MEI4: variants seen among roughly 807,000 people sequenced by gnomAD.
MEI4 encodes the protein meiotic double-stranded break formation protein 4, also known as meiosis-specific protein MEI4.
In MEI4, 27 loss-of-function variants were observed where a neutral mutation model predicts 31.4. That is an observed-to-expected ratio of 0.86 (90% CI 0.63 to 1.19). The LOEUF (loss-of-function observed/expected upper bound fraction) is 1.19, where lower values mean the gene tolerates loss of function less well. MEI4 is among the 50% of genes most tolerant of loss of function. The probability of loss-of-function intolerance (pLI) is 0.00; values close to 1 mark genes in which losing one functional copy is unlikely to be tolerated. For synonymous variants in MEI4, 122 were observed against 145.4 expected (o/e 0.84, Z 1.16); for missense variants, 329 against 398.9 (o/e 0.82, Z 1.49).
At chr6:77,834,310 TTTA>T (rs144125131) in intron 4 of MEI4, among the ~76,000 whole-genome samples, 2,848 of 150,810 alleles carry the variant, frequency 0.019, 63 homozygotes, top group East Asian at 0.088. Flanking sequence ...ATTTTCAAAA[TTTA>T]TAATAAATCA....
At chr6:77,695,871 C>T (rs145183160) in intron 2 of MEI4, among the ~76,000 whole-genome samples, 8,666 of 152,134 alleles carry the variant, frequency 0.057, 681 homozygotes, top group African/African-American at 0.17. Context: ...GCCATTTTCA[C>T]GATATAGATT....
intron 1 of MEI4, among the ~76,000 whole-genome samples, chr6:77,660,910 T>G (rs1768492717): frequency 6.6e-6 from 1 of 152,032 alleles, no homozygotes; most frequent in African/African-American, 2.4e-5. Flanking sequence ...CAAGAACTGA[T>G]TGTCCAGCTA....
intron 3 of MEI4, among the ~76,000 whole-genome samples, chr6:77,786,228 A>G (rs1000408408): frequency 2.6e-5 from 4 of 152,088 alleles, no homozygotes; most frequent in Non-Finnish European, 2.9e-5. Flanking sequence ...ACATATATAT[A>G]TATCAAATTT....
intron 4 of MEI4, among the ~76,000 whole-genome samples, chr6:77,875,154 G>A (rs1387003760): frequency 6.6e-6 from 1 of 152,134 alleles, no homozygotes. Context: ...GTCCCATCAT[G>A]GATATGTCTC....
chr6:77,754,127 G>A (rs1158083527), intron 2 of MEI4, among the ~76,000 whole-genome samples: 1 of 152,008 alleles, frequency 6.6e-6, no homozygotes, highest in Non-Finnish European at 1.5e-5. Context: ...GGGGAGGGAT[G>A]GCATTAGGAG....
chr6:77,693,261 G>T (rs1769192002), intron 2 of MEI4, among the ~76,000 whole-genome samples: 1 of 151,922 alleles, frequency 6.6e-6, no homozygotes, highest in Non-Finnish European at 1.5e-5. Flanking sequence ...GGCAAACATA[G>T]TCAATTTTTC....
chr6:77,864,910 A>T (rs1226143559), intron 4 of MEI4, among the ~76,000 whole-genome samples: 1 of 152,202 alleles, frequency 6.6e-6, no homozygotes, highest in East Asian at 1.9e-4. Context: ...TCAAACTAGG[A>T]CTCAGGATTA....
intron 4 of MEI4, among the ~76,000 whole-genome samples, chr6:77,910,064 A>C (rs1347070822): frequency 6.6e-6 from 1 of 152,208 alleles, no homozygotes; most frequent in Admixed American, 6.5e-5. Flanking sequence ...ATCTCAAAAT[A>C]ATAAGTGCTG....
At chr6:77,658,397 C>T (rs1268166109) in intron 1 of MEI4, among the ~76,000 whole-genome samples, 2 of 152,042 alleles carry the variant, frequency 1.3e-5, no homozygotes, top group Non-Finnish European at 1.5e-5. Context: ...TACTTTAGGC[C>T]ATCTGGATGT....
At chr6:77,662,140 T>A (rs1768524655) in intron 1 of MEI4, among the ~76,000 whole-genome samples, 1 of 152,154 alleles carries the variant, frequency 6.6e-6, no homozygotes, top group Admixed American at 6.5e-5. Flanking sequence ...TGACGCGTAG[T>A]CCTTTTGCAA....
intron 1 of MEI4, among the ~76,000 whole-genome samples, chr6:77,668,847 G>A (rs951492196): frequency 1.3e-5 from 2 of 152,040 alleles, no homozygotes; most frequent in African/African-American, 2.4e-5. Context: ...AGCATCCCAC[G>A]GCAGAAGTAA....
chr6:77,851,382 C>A lies in MEI4; in HGVS notation c.900+22320C>A, dbSNP rs1206443951. Among the ~76,000 whole-genome samples the A allele has an allele frequency of 1.2e-4, 18 of 152,090 alleles. No homozygotes were observed. In the East Asian group the frequency reaches 3.5e-3, roughly 30 times the overall value. On this transcript the variant is annotated intron_variant, in intron 4 of 4. Coordinates refer to ENST00000684080, the MANE Select transcript of MEI4 (RefSeq NM_001322247.2). ...TCACAATAGCAAAGTCTTGGAACCA[C>A]CCCAAATGTCCATCAATGATAGACT...
At chr6:77,834,331 G>C (rs999917632) in intron 4 of MEI4, among the ~76,000 whole-genome samples, 3 of 147,662 alleles carry the variant, frequency 2.0e-5, no homozygotes, top group Non-Finnish European at 3.0e-5. Context: ...TCAAAAATTA[G>C]TATAATTTTC....
intron 2 of MEI4, among the ~76,000 whole-genome samples, chr6:77,709,006 C>T (rs370742789): frequency 1.3e-5 from 2 of 152,222 alleles, no homozygotes; most frequent in African/African-American, 2.4e-5. Flanking sequence ...TAATATTGAC[C>T]GTGACCCTTA....
intron 3 of MEI4, among the ~76,000 whole-genome samples, chr6:77,801,384 C>A (rs1272044463): frequency 3.9e-5 from 6 of 152,090 alleles, no homozygotes; most frequent in African/African-American, 1.4e-4. Context: ...CTGTTTTCTT[C>A]TTTTTTAGTC....
At chr6:77,863,703 A>C (rs2127722141) in intron 4 of MEI4, among the ~76,000 whole-genome samples, 1 of 152,352 alleles carries the variant, frequency 6.6e-6, no homozygotes, top group East Asian at 1.9e-4. Context: ...AGGCAGGCCA[A>C]CATTCAAATT....
rs1770527496 is a variant in MEI4, at chr6:77,847,968, C to T, written c.900+18906C>T. Among the ~76,000 whole-genome samples the T allele has an allele frequency of 1.3e-5, 2 of 152,160 alleles. No individual in the cohort carries two copies. Among genetic ancestry groups the T allele is most frequent in the South Asian group, 4.1e-4 (2 of 4,826 alleles). ...AAGGAAAGAACGTCGGAATATTTATCTCCTCTTCACTTTATGTATCTTTAT... is the reference window on the plus strand; with the variant it reads ...AAGGAAAGAACGTCGGAATATTTATTTCCTCTTCACTTTATGTATCTTTAT... On this transcript the variant is annotated intron_variant, in intron 4 of 4. Transcript: ENST00000684080. The surrounding 1 kb of genome is among the most constrained non-coding windows in gnomAD (Gnocchi z 4.6).
At chr6:77,730,229 T>G (rs779211666) in intron 2 of MEI4, among the ~76,000 whole-genome samples, 4 of 152,140 alleles carry the variant, frequency 2.6e-5, no homozygotes, top group Non-Finnish European at 4.4e-5. Context: ...GTAATTTTAT[T>G]GTTTTTACCA....
At chr6:77,686,310 C>G (rs1769053236) in intron 1 of MEI4, among the ~76,000 whole-genome samples, 1 of 152,110 alleles carries the variant, frequency 6.6e-6, no homozygotes, top group African/African-American at 2.4e-5. Flanking sequence ...ATCATTCAGA[C>G]TTCCTCAACT....
Sources: gnomAD v4.1 joint callset for allele counts (sites outside exome capture counted in the v4.1 genomes callset) on GRCh38, gnomAD v4.1.1 for gene constraint, Gnocchi (gnomAD v3.1) non-coding constraint, MANE v1.5 for transcripts, NCBI Gene and HGNC (gene_info 2026-07-23, HGNC 2026-07-21) for gene names.